Variants in CNBD1 observed in about 807,000 individuals in gnomAD.
The protein encoded by CNBD1 is cyclic nucleotide binding domain containing 1.
A neutral mutation model predicts 54.4 loss-of-function variants in CNBD1; 71 were observed. The observed-to-expected ratio is 1.30, with a 90% confidence interval of 1.08 to 1.59. The LOEUF (loss-of-function observed/expected upper bound fraction) is 1.59, where lower values mean the gene tolerates loss of function less well. Ranked by LOEUF, CNBD1 falls within the 40% of genes most tolerant of loss-of-function variation. CNBD1 has a pLI of 0.00. For missense variants in CNBD1, 659 were observed against 518.0 expected (o/e 1.27, Z -2.64); for synonymous variants, 182 against 170.7 (o/e 1.07, Z -0.51).
intron 1 of CNBD1, among the ~76,000 whole-genome samples, chr8:86,872,323 A>G (rs964758999): frequency 1.3e-5 from 2 of 152,146 alleles, no homozygotes; most frequent in Non-Finnish European, 2.9e-5. Context: ...ATCTCCACAA[A>G]GACTCTCCTG....
rs869060076 is a variant in CNBD1 at position 86,894,035 on chromosome 8, ATTTTTTTTTTTTTTTTTTTT to A, written c.158+6442_158+6461del. On this transcript the variant is annotated intron_variant, in intron 2 of 10. Coordinates refer to ENST00000518476, the MANE Select transcript of CNBD1 (RefSeq NM_173538.3). ...TTTATTCATATATTTTAATAGATTA[ATTTTTTTTTTTTTTTTTTTT>A]TTTTTTTTTTTTTTTTTGAGACGGA... 1.5e-4 allele frequency among the ~76,000 whole-genome samples: 8 copies of A among 52,342 alleles called. No individual in the cohort carries two copies. The South Asian group carries it at 3.3e-3, about 22-fold the overall frequency. The allele number at this position is 52,342 out of a possible 152,430, so 34.3% of individuals were successfully genotyped here.
At chr8:87,170,261 C>A (rs180834577) in intron 4 of CNBD1, among the ~76,000 whole-genome samples, 3 of 151,996 alleles carry the variant, frequency 2.0e-5, no homozygotes, top group African/African-American at 7.2e-5. Context: ...GATTTTATAA[C>A]CTGCAACTTT....
chr8:87,026,736 C>A (rs1809654474), intron 4 of CNBD1, among the ~76,000 whole-genome samples: 1 of 152,168 alleles, frequency 6.6e-6, no homozygotes, highest in African/African-American at 2.4e-5. Context: ...TAGTTCCTTA[C>A]TACCTTGTTT....
intron 8 of CNBD1, among the ~76,000 whole-genome samples, chr8:87,330,688 G>C (rs563788408): frequency 6.6e-6 from 1 of 152,142 alleles, no homozygotes; most frequent in South Asian, 2.1e-4. Flanking sequence ...TTTTAAGGTT[G>C]GTTTTATGGG....
intron 10 of CNBD1, among the ~76,000 whole-genome samples, chr8:87,368,181 G>T (rs1323412745): frequency 1.3e-5 from 2 of 150,144 alleles, no homozygotes; most frequent in Non-Finnish European, 2.9e-5. Flanking sequence ...GAAAAGAAAA[G>T]AAAAGAATAT....
At chr8:87,401,621 C>T (rs1304640556) in intron 2 of CNBD1, among the ~76,000 whole-genome samples, 1 of 151,992 alleles carries the variant, frequency 6.6e-6, no homozygotes, top group Non-Finnish European at 1.5e-5. Flanking sequence ...GTTGCTGGGC[C>T]ATGAGAATCT....
At chr8:86,976,085 T>C (rs1349027264) in intron 4 of CNBD1, among the ~76,000 whole-genome samples, 1 of 151,888 alleles carries the variant, frequency 6.6e-6, no homozygotes, top group Non-Finnish European at 1.5e-5. Flanking sequence ...ATACTTGTTT[T>C]CTCATTGAGT....
intron 2 of CNBD1, among the ~76,000 whole-genome samples, chr8:86,894,603 G>C (rs1206266613): frequency 6.6e-6 from 1 of 152,050 alleles, no homozygotes; most frequent in East Asian, 1.9e-4. Flanking sequence ...TAATGACATG[G>C]AACAACCATT....
chr8:87,194,163 G>T (rs185205122), intron 4 of CNBD1, among the ~76,000 whole-genome samples: 1 of 152,264 alleles, frequency 6.6e-6, no homozygotes, highest in Admixed American at 6.5e-5. Flanking sequence ...CACAAAAAAT[G>T]GTCTCCACTA....
At chr8:87,201,032 T>C (rs1241724848) in intron 4 of CNBD1, among the ~76,000 whole-genome samples, 4 of 151,934 alleles carry the variant, frequency 2.6e-5, no homozygotes, top group East Asian at 3.9e-4. Flanking sequence ...CAGAAACATA[T>C]AAAAAACATT....
At chr8:87,222,724 T>C (rs1478469755) in intron 5 of CNBD1, among the ~76,000 whole-genome samples, 1 of 152,198 alleles carries the variant, frequency 6.6e-6, no homozygotes, top group Non-Finnish European at 1.5e-5. Context: ...TCAGACTTTG[T>C]AATTGGCCGT....
chr8:87,132,922 G>C lies in CNBD1; in HGVS notation c.432-73071G>C, dbSNP rs1001146271. Among the ~76,000 whole-genome samples, 13 of 150,612 alleles carry C rather than the reference G, an allele frequency of 8.6e-5. No homozygotes were observed. The East Asian group carries it at 2.3e-3, about 27-fold the overall frequency. ...TGATAAAGTCCTACAAGTCACTCAG[G>C]TTCTATGAAATCATTCTCAATCTTT... On this transcript the variant is annotated intron_variant, in intron 4 of 10. Coordinates refer to ENST00000518476, the MANE Select transcript of CNBD1 (RefSeq NM_173538.3).
intron 4 of CNBD1, among the ~76,000 whole-genome samples, chr8:87,197,577 T>C (rs1586323184): frequency 6.6e-6 from 1 of 152,138 alleles, no homozygotes; most frequent in African/African-American, 2.4e-5. Flanking sequence ...TGTTTCTCCA[T>C]GGCCCAAATC....
chr8:87,392,825 A>G (rs932658422), intron 2 of CNBD1, among the ~76,000 whole-genome samples: 3 of 151,972 alleles, frequency 2.0e-5, no homozygotes, highest in African/African-American at 7.2e-5. Context: ...TTATATCCCA[A>G]TAAAGCAGTT....
At position 86,943,310 on chromosome 8, in the gene CNBD1, C is replaced by T. The variant is rs1363838163; in HGVS notation, c.431+3556C>T. On this transcript the variant is annotated intron_variant, in intron 4 of 10. Coordinates refer to ENST00000518476, the MANE Select transcript of CNBD1 (RefSeq NM_173538.3). ...GCAGGAATTGCTTGAACGCGGGAGG[C>T]GAGCCGAGATTGGGCCACTGCACTC... Among the ~76,000 whole-genome samples the T allele has an allele frequency of 5.3e-5, 7 of 132,350 alleles. No homozygotes were observed. The South Asian group carries it at 9.7e-4, about 18-fold the overall frequency. The allele number at this position is 132,350 out of a possible 152,430, so 86.8% of individuals were successfully genotyped here. A position where few individuals can be genotyped will look rare whatever the true frequency, so the allele number is the denominator to read the frequency against.
intron 4 of CNBD1, among the ~76,000 whole-genome samples, chr8:87,121,357 T>C (rs1811885587): frequency 6.6e-6 from 1 of 151,762 alleles, no homozygotes; most frequent in Non-Finnish European, 1.5e-5. Flanking sequence ...TATTTAGCAC[T>C]CTTAAATAAA....
At chr8:87,394,628 C>T (rs1190669638) in intron 2 of CNBD1, among the ~76,000 whole-genome samples, 2 of 151,792 alleles carry the variant, frequency 1.3e-5, no homozygotes, top group African/African-American at 2.4e-5. Flanking sequence ...TTCATAGATG[C>T]GTGTTTTGTT....
Position 87,323,788 on chromosome 8 carries a change from C to T in CNBD1, c.1043-27897C>T, listed in dbSNP as rs1257343377. Among the ~76,000 whole-genome samples, 4 of 102,106 alleles carry T rather than the reference C, an allele frequency of 3.9e-5. No individual in the cohort carries two copies. The South Asian group carries it at 8.6e-4, about 22-fold the overall frequency. The allele number at this position is 102,106 out of a possible 152,430, so 67.0% of individuals were successfully genotyped here. A position where few individuals can be genotyped will look rare whatever the true frequency, so the allele number is the denominator to read the frequency against. On this transcript the variant is annotated intron_variant, in intron 8 of 10. Transcript: ENST00000518476. ...CTTCCTCTTTTCCTAATTGAATACC[C>T]TTTATTTCCTTCTCCTGCCTGATTG...
At chr8:86,947,996 G>A (rs1807508234) in intron 4 of CNBD1, among the ~76,000 whole-genome samples, 1 of 152,028 alleles carries the variant, frequency 6.6e-6, no homozygotes, top group African/African-American at 2.4e-5. Flanking sequence ...CCACAAATAA[G>A]TGAGACCATG....
Sources: gnomAD v4.1 joint callset for allele counts (sites outside exome capture counted in the v4.1 genomes callset) on GRCh38, gnomAD v4.1.1 for gene constraint, MANE v1.5 for transcripts, NCBI Gene and HGNC (gene_info 2026-07-23, HGNC 2026-07-21) for gene names.